Variants in SPAG16 observed in about 807,000 individuals in gnomAD.
The protein encoded by SPAG16 is sperm-associated antigen 16 protein.
In SPAG16, 86 loss-of-function variants were observed where a neutral mutation model predicts 80.4. That is an observed-to-expected ratio of 1.07 (90% CI 0.90 to 1.28). The LOEUF is 1.28. Ranked by LOEUF, SPAG16 falls within the 50% of genes most tolerant of loss-of-function variation. SPAG16 has a pLI of 0.00. For missense variants in SPAG16, 870 were observed against 765.3 expected (o/e 1.14, Z -1.61); for synonymous variants, 294 against 265.9 (o/e 1.11, Z -1.03).
At chr2:214,291,897 T>G (rs1044151636) in intron 15 of SPAG16, among the ~76,000 whole-genome samples, 2 of 152,202 alleles carry the variant, frequency 1.3e-5, no homozygotes, top group Non-Finnish European at 2.9e-5. Flanking sequence ...TGTTGTCTTT[T>G]CGCTTCCAGA....
chr2:214,269,586 C>T (rs1245942832), intron 15 of SPAG16, among the ~76,000 whole-genome samples: 1 of 152,050 alleles, frequency 6.6e-6, no homozygotes, highest in Non-Finnish European at 1.5e-5. Context: ...TTTTTCAAAA[C>T]TATTTCAATC....
chr2:213,445,363 C>T (rs1400747608), intron 9 of SPAG16, among the ~76,000 whole-genome samples: 1 of 152,168 alleles, frequency 6.6e-6, no homozygotes, highest in African/African-American at 2.4e-5. Flanking sequence ...GAAGACATAT[C>T]AATGACCAAC....
intron 9 of SPAG16, among the ~76,000 whole-genome samples, chr2:213,468,474 T>TGTACAG (rs2072852295): frequency 8.6e-6 from 1 of 116,540 alleles, no homozygotes; most frequent in Non-Finnish European, 1.6e-5. Context: ...TATGTATTTA[T>TGTACAG]ATATAGATAT....
At chr2:214,175,680 A>T (rs1014791644) in intron 15 of SPAG16, among the ~76,000 whole-genome samples, 5 of 151,556 alleles carry the variant, frequency 3.3e-5, no homozygotes, top group African/African-American at 4.8e-5. Flanking sequence ...ATATGCTTTT[A>T]AAAAATCAGT....
intron 10 of SPAG16, among the ~76,000 whole-genome samples, chr2:213,642,229 G>A (rs1327221848): frequency 1.3e-5 from 2 of 152,192 alleles, no homozygotes; most frequent in Non-Finnish European, 2.9e-5. Flanking sequence ...CAAAGGGTTT[G>A]TGAATTATTT....
At chr2:213,675,878 T>G (rs1437516887) in intron 10 of SPAG16, among the ~76,000 whole-genome samples, 2 of 151,838 alleles carry the variant, frequency 1.3e-5, no homozygotes, top group Non-Finnish European at 2.9e-5. Context: ...GGCTCTTTTT[T>G]GGTTCCATAT....
At chr2:213,798,752 C>T (rs2125630966) in intron 10 of SPAG16, among the ~76,000 whole-genome samples, 1 of 152,122 alleles carries the variant, frequency 6.6e-6, no homozygotes, top group South Asian at 2.1e-4. Flanking sequence ...TTTAATTTTC[C>T]TGTATGCTGT....
intron 15 of SPAG16, among the ~76,000 whole-genome samples, chr2:214,189,749 T>TA (rs2057596532): frequency 6.6e-6 from 1 of 152,088 alleles, no homozygotes; most frequent in African/African-American, 2.4e-5. Flanking sequence ...GAGGTGCTTT[T>TA]AAAAAATCAA....
At chr2:213,661,768 TAATTA>T (rs2063434764) in intron 10 of SPAG16, among the ~76,000 whole-genome samples, 1 of 152,204 alleles carries the variant, frequency 6.6e-6, no homozygotes, top group Admixed American at 6.5e-5. Context: ...AAAGATAATT[TAATTA>T]AAATATTCAA....
At chr2:213,837,854 C>G (rs1028646902) in intron 10 of SPAG16, among the ~76,000 whole-genome samples, 1 of 152,100 alleles carries the variant, frequency 6.6e-6, no homozygotes, top group Non-Finnish European at 1.5e-5. Flanking sequence ...ATGGCAGAAG[C>G]AGGGCCAGAG....
intron 15 of SPAG16, among the ~76,000 whole-genome samples, chr2:214,212,237 C>G (rs1367308157): frequency 1.3e-5 from 2 of 152,068 alleles, no homozygotes. Context: ...TCAGACATGG[C>G]AAGCTTTCCC....
chr2:213,333,926 T>C (rs1435377173), intron 5 of SPAG16, among the ~76,000 whole-genome samples: 1 of 152,090 alleles, frequency 6.6e-6, no homozygotes, highest in Non-Finnish European at 1.5e-5. Context: ...TCTTGAGTAA[T>C]ACCCTACAAG....
intron 8 of SPAG16, among the ~76,000 whole-genome samples, chr2:213,371,169 G>A (rs890607461): frequency 6.6e-6 from 1 of 152,104 alleles, no homozygotes; most frequent in African/African-American, 2.4e-5. Context: ...GGCTCTTTGG[G>A]AAGCCGACGC....
At chr2:213,955,381 T>C (rs933240812) in intron 12 of SPAG16, among the ~76,000 whole-genome samples, 1 of 152,194 alleles carries the variant, frequency 6.6e-6, no homozygotes, top group Non-Finnish European at 1.5e-5. Flanking sequence ...TCAACTGTAT[T>C]CTTTTACATG....
At chr2:213,981,492 T>A (rs1407373081) in intron 12 of SPAG16, among the ~76,000 whole-genome samples, 1 of 152,128 alleles carries the variant, frequency 6.6e-6, no homozygotes, top group Non-Finnish European at 1.5e-5. Flanking sequence ...AATATGGAGT[T>A]TCATTATTGC....
At chr2:213,869,211 C>A (rs2075832737) in intron 11 of SPAG16, among the ~76,000 whole-genome samples, 1 of 142,584 alleles carries the variant, frequency 7.0e-6, no homozygotes, top group African/African-American at 2.6e-5. Flanking sequence ...TGAGATCGCG[C>A]CATTGAACTC....
intron 5 of SPAG16, among the ~76,000 whole-genome samples, chr2:213,325,925 C>T (rs1699868450): frequency 6.6e-6 from 1 of 151,942 alleles, no homozygotes; most frequent in South Asian, 2.1e-4. Context: ...TGCTATTAAA[C>T]TTTTGGCTCT....
At chr2:214,298,820 C>G (rs1040393695) in intron 15 of SPAG16, among the ~76,000 whole-genome samples, 6 of 152,240 alleles carry the variant, frequency 3.9e-5, no homozygotes, top group South Asian at 4.1e-4. Flanking sequence ...TTGGCAAAGA[C>G]TGCTCTAGAT....
chr2:214,178,586 GC>G (rs1210376642), intron 15 of SPAG16, among the ~76,000 whole-genome samples: 2 of 151,210 alleles, frequency 1.3e-5, no homozygotes, highest in African/African-American at 2.4e-5. Flanking sequence ...AGTCTATATT[GC>G]TTTTGAATGT....
Sources: allele counts gnomAD v4.1 joint callset (sites outside exome capture counted in the v4.1 genomes callset), GRCh38; gene constraint gnomAD v4.1.1; transcripts MANE v1.5; gene names NCBI Gene and HGNC (gene_info 2026-07-23, HGNC 2026-07-21).